The following UBE3A variants were observed in gnomAD, a reference collection of about 807,000 sequenced individuals.
UBE3A encodes ubiquitin protein ligase E3A, also known as ubiquitin-protein ligase E3A.
A neutral mutation model predicts 83.4 loss-of-function variants in UBE3A; 6 were observed. The ratio of observed to expected loss-of-function variants is 0.07; its 90% CI spans 0.04 to 0.14. The LOEUF is 0.14. Ranked by LOEUF, UBE3A falls within the 10% of genes least tolerant of loss-of-function variation. UBE3A has a pLI of 1.00. For synonymous variants in UBE3A, 337 were observed against 355.4 expected, an observed-to-expected ratio of 0.95 and a Z score of 0.58; for missense variants, 456 against 1,036.1, an observed-to-expected ratio of 0.44 and a Z score of 7.69.
intron 4 of UBE3A, among the ~76,000 whole-genome samples, chr15:25,387,446 C>T (rs943084396): frequency 1.4e-4 from 21 of 151,684 alleles, no homozygotes; most frequent in African/African-American, 2.4e-4. Context: ...GGCGTGAACC[C>T]GGGAGGCGGA....
intron 5 of UBE3A, among the ~76,000 whole-genome samples, chr15:25,373,144 A>G (rs1042815242): frequency 2.0e-5 from 3 of 152,338 alleles, no homozygotes; most frequent in South Asian, 2.1e-4. Context: ...CTTCCCCAAA[A>G]GCATAAAACC....
intron 2 of UBE3A, among the ~76,000 whole-genome samples, chr15:25,410,434 A>C (rs1454153734): frequency 1.3e-5 from 2 of 152,174 alleles, no homozygotes; most frequent in Admixed American, 1.3e-4. Context: ...TTGTGCAACT[A>C]GTTCTTTCCC....
At chr15:25,363,840 T>G (rs1164968498) in intron 6 of UBE3A, among the ~76,000 whole-genome samples, 1 of 152,054 alleles carries the variant, frequency 6.6e-6, no homozygotes, top group Non-Finnish European at 1.5e-5. Flanking sequence ...ATTTTGTTAT[T>G]ACCTATTTTA....
At chr15:25,357,975 A>AGT (rs2077475829) in intron 7 of UBE3A, among the ~76,000 whole-genome samples, 1 of 130,056 alleles carries the variant, frequency 7.7e-6, no homozygotes, top group African/African-American at 3.0e-5. Context: ...CACTCAGCTT[A>AGT]GTGCAAGCTC....
At chr15:25,411,853 A>AT (rs1441713658) in intron 2 of UBE3A, 55 bp downstream of exon 2, 1 of 152,198 alleles carries the variant, frequency 6.6e-6, no homozygotes, top group African/African-American at 2.4e-5. Flanking sequence ...TGTCATTATT[A>AT]TGACATTAAG....
intron 11 of UBE3A, 147 bp downstream of exon 11, chr15:25,354,206 T>A (rs915200014): frequency 4.2e-6 from 3 of 716,566 alleles, no homozygotes; most frequent in Admixed American, 2.3e-5. Flanking sequence ...AAAATGGTGA[T>A]TATATTACAA....
In UBE3A at chr15:25,376,486, CT is replaced by C. The variant is rs1421195565; in HGVS notation, c.63-724del. On this transcript the variant is annotated intron_variant, in intron 4 of 12. Coordinates refer to ENST00000648336, the MANE Select transcript of UBE3A (RefSeq NM_130839.5). ...ACATAGTGAGGCTACTCTCTACAAA[CT>C]TTTTTAAAAAAAATTAGCCAAGTGT... is the stretch of plus-strand genomic sequence containing the variant. Among the ~76,000 whole-genome samples the C allele has an allele frequency of 2.6e-5, 4 of 151,888 alleles. No homozygotes were observed. In the East Asian group the frequency reaches 7.8e-4, roughly 30 times the overall value.
chr15:25,338,228 T>TAAAC lies in UBE3A; in HGVS notation c.*905_*908dup, dbSNP rs755668782. 1.1e-4 allele frequency: 17 copies of TAAAC among 152,136 alleles called. No individual in the cohort carries two copies. The highest frequency in any genetic ancestry group is 2.2e-4 in the Non-Finnish European group (15 of 67,992). 9.4% of individuals were successfully genotyped at this position (152,136 alleles called of 1,614,324 possible). A position where few individuals can be genotyped will look rare whatever the true frequency, so the allele number is the denominator to read the frequency against. ...ACTTTCACATGCTTTTTGTTTATAA[T>TAAAC]AAACAAACAACAAACTTCCTAACTT... is the stretch of plus-strand genomic sequence containing the variant. On this transcript the variant is annotated 3_prime_UTR_variant, in exon 13 of 13. Transcript: ENST00000648336.
At chr15:25,347,511 C>T (rs2075869122) in intron 11 of UBE3A, among the ~76,000 whole-genome samples, 5 of 152,048 alleles carry the variant, frequency 3.3e-5, no homozygotes, top group Admixed American at 3.3e-4. Flanking sequence ...ACCAGCCTGG[C>T]CAATATGGTG....
intron 3 of UBE3A, among the ~76,000 whole-genome samples, chr15:25,406,433 C>A (rs2088561510): frequency 6.6e-6 from 1 of 152,038 alleles, no homozygotes; most frequent in African/African-American, 2.4e-5. Context: ...CACTAAAAAG[C>A]CTTTCATTTT....
chr15:25,375,247 A>T, intron 5 of UBE3A: 1 of 572,782 alleles, frequency 1.7e-6, no homozygotes, highest in Non-Finnish European at 3.0e-6. Flanking sequence ...TCAATCTATT[A>T]ACAAATGAAC....
chr15:25,366,289 G>A (rs1365974616), intron 6 of UBE3A, among the ~76,000 whole-genome samples: 2 of 152,162 alleles, frequency 1.3e-5, no homozygotes, highest in Non-Finnish European at 2.9e-5. Flanking sequence ...GTGCAGCACA[G>A]AATAATCTCA....
chr15:25,377,615 T>G (rs975004650), intron 4 of UBE3A, among the ~76,000 whole-genome samples: 1 of 152,180 alleles, frequency 6.6e-6, no homozygotes, highest in Non-Finnish European at 1.5e-5. Context: ...GTGACTTCCC[T>G]GGTGAAAATG....
chr15:25,339,778 C>T (rs901161481), intron 12 of UBE3A: 2 of 392,002 alleles, frequency 5.1e-6, no homozygotes, highest in African/African-American at 2.1e-5. Context: ...CTCAATGTAA[C>T]CATTCTAAAT....
rs544351934 is a variant in UBE3A, at chr15:25,401,865, T to C, written c.62+3596A>G. ...ATGCTCTTTTGCATTTTTCATTCCA[T>C]TTATTGCATTTTCAGCTTCAGAATT... On this transcript the variant is annotated intron_variant, in intron 4 of 12. Transcript: ENST00000648336. Among the ~76,000 whole-genome samples, 20 of 152,310 alleles carry C rather than the reference T, an allele frequency of 1.3e-4. No homozygotes were observed. The South Asian group carries it at 3.3e-3, about 25-fold the overall frequency.
At chr15:25,349,538 G>A (rs137862912) in intron 11 of UBE3A, among the ~76,000 whole-genome samples, 2 of 152,108 alleles carry the variant, frequency 1.3e-5, no homozygotes, top group Non-Finnish European at 2.9e-5. Context: ...TTACCCATGG[G>A]GAATACGTTC....
At chr15:25,351,572 C>T (rs573704132) in intron 11 of UBE3A, among the ~76,000 whole-genome samples, 1 of 152,146 alleles carries the variant, frequency 6.6e-6, no homozygotes, top group East Asian at 1.9e-4. Flanking sequence ...CAGGTTCAAG[C>T]GATTCTCCTG....
At chr15:25,377,610 T>G (rs2081430160) in intron 4 of UBE3A, among the ~76,000 whole-genome samples, 1 of 152,192 alleles carries the variant, frequency 6.6e-6, no homozygotes, top group South Asian at 2.1e-4. Flanking sequence ...CTACAGTGAC[T>G]TCCCTGGTGA....
At chr15:25,354,775 A>C in intron 9 of UBE3A, 92 bp from the exon 10 acceptor site, 3 of 1,187,592 alleles carry the variant, frequency 2.5e-6, no homozygotes, top group Admixed American at 2.5e-5. Flanking sequence ...AATTTTTCCA[A>C]GAAAAAAACA....
Sources: allele counts gnomAD v4.1 joint callset (sites outside exome capture counted in the v4.1 genomes callset), GRCh38; gene constraint gnomAD v4.1.1; transcripts MANE v1.5; gene names NCBI Gene and HGNC (gene_info 2026-07-23, HGNC 2026-07-21).